MICU2: variants seen among roughly 807,000 people sequenced by gnomAD.
The protein encoded by MICU2 is calcium uptake protein 2, mitochondrial.
Under a neutral mutation model 60.4 loss-of-function variants are expected in MICU2, and 64 were observed. That is an observed-to-expected ratio of 1.06 (90% CI 0.87 to 1.31). The LOEUF (loss-of-function observed/expected upper bound fraction) is 1.31. Among genes scored for constraint, MICU2 ranks in the 50% most tolerant of loss-of-function variants. The pLI is 0.00. For synonymous variants in MICU2, 201 were observed against 175.0 expected (o/e 1.15, Z -1.17); for missense variants, 569 against 531.0 (o/e 1.07, Z -0.70).
intron 2 of MICU2, 149 bp from the exon 3 acceptor site, chr13:21,539,837 G>A: frequency 1.5e-6 from 1 of 687,044 alleles, no homozygotes; most frequent in African/African-American, 1.8e-5. Flanking sequence ...ATATCCTTAA[G>A]CCATAATCAT....
intron 1 of MICU2, among the ~76,000 whole-genome samples, chr13:21,581,800 A>C (rs1237148048): frequency 6.6e-6 from 1 of 152,178 alleles, no homozygotes; most frequent in Non-Finnish European, 1.5e-5. Context: ...AAAATCTATT[A>C]ATTCCAGGTC....
At position 21,509,940 on chromosome 13, in the gene MICU2, T is replaced by C. The variant is rs186753987; in HGVS notation, c.761+64A>G. ...TCTGCAGTTCTAGAAAATGAATATA[T>C]TCTGTTTCTCTTTATTTCTTACCCA... is the stretch of plus-strand genomic sequence containing the variant. On this transcript the variant is annotated intron_variant, in intron 8 of 11. Transcript: ENST00000382374. 114 of 908,646 alleles carry C rather than the reference T, an allele frequency of 1.3e-4. No homozygotes were observed. The Admixed American group carries it at 3.2e-3, about 25-fold the overall frequency. The allele number at this position is 908,646 out of a possible 1,614,324, so 56.3% of individuals were successfully genotyped here.
Position 21,521,240 on chromosome 13 carries a change from C to T in MICU2, c.597+5G>A, listed in dbSNP as rs915143884. Reference sequence around the variant, plus strand: ...ATAAACCTAAAATAATTAGCGTCCACTTACCTTAAAAAATTCCCTTTTTTC... The same window carrying T: ...ATAAACCTAAAATAATTAGCGTCCATTTACCTTAAAAAATTCCCTTTTTTC... On this transcript the variant is annotated splice_donor_5th_base_variant and intron_variant, in intron 6 of 11. Transcript: ENST00000382374. The T allele has an allele frequency of 6.9e-6, 11 of 1,592,522 alleles. No individual in the cohort carries two copies. Among genetic ancestry groups the T allele is most frequent in the African/African-American group, 1.4e-5 (1 of 73,862 alleles).
chr13:21,600,064 A>C (rs985695287), intron 1 of MICU2, among the ~76,000 whole-genome samples: 1 of 152,224 alleles, frequency 6.6e-6, no homozygotes, highest in Non-Finnish European at 1.5e-5. Flanking sequence ...ACAAAAATGT[A>C]ATCTTTTTTC....
At chr13:21,548,306 C>T (rs1887462644) in intron 2 of MICU2, among the ~76,000 whole-genome samples, 1 of 152,126 alleles carries the variant, frequency 6.6e-6, no homozygotes. Context: ...ATTTTCTGCT[C>T]TATACTTTGT....
intron 5 of MICU2, 29 bp from the exon 6 acceptor site, chr13:21,521,356 A>G (rs764094811): frequency 6.3e-7 from 1 of 1,577,206 alleles, no homozygotes; most frequent in Non-Finnish European, 8.6e-7. Context: ...TGAATATTTA[A>G]ATGTTGATGA....
chr13:21,583,244 A>G (rs990011225), intron 1 of MICU2, among the ~76,000 whole-genome samples: 14 of 152,204 alleles, frequency 9.2e-5, no homozygotes, highest in Admixed American at 6.5e-5. Context: ...GACCTTGTCT[A>G]TATAAGTAGA....
At chr13:21,579,665 A>G (rs1221359604) in intron 1 of MICU2, among the ~76,000 whole-genome samples, 1 of 152,202 alleles carries the variant, frequency 6.6e-6, no homozygotes, top group African/African-American at 2.4e-5. Context: ...TATATCAGTT[A>G]TGAACACATA....
chr13:21,562,532 A>G (rs1192414423), intron 2 of MICU2, among the ~76,000 whole-genome samples: 1 of 152,098 alleles, frequency 6.6e-6, no homozygotes, highest in African/African-American at 2.4e-5. Flanking sequence ...TAGAATGTCA[A>G]TTCTATTTAT....
intron 1 of MICU2, among the ~76,000 whole-genome samples, chr13:21,587,103 C>T (rs773322839): frequency 1.3e-5 from 2 of 152,134 alleles, no homozygotes; most frequent in Admixed American, 6.5e-5. Flanking sequence ...TTCCTTCCTC[C>T]CCTTTGCCAG....
chr13:21,503,195 G>A, intron 8 of MICU2, 98 bp from the exon 9 acceptor site: 1 of 816,362 alleles, frequency 1.2e-6, no homozygotes, highest in East Asian at 2.6e-5. Flanking sequence ...TACCTACTGA[G>A]TGGCTGCCTC....
intron 2 of MICU2, among the ~76,000 whole-genome samples, chr13:21,560,209 T>C (rs1163981896): frequency 6.6e-6 from 1 of 152,240 alleles, no homozygotes; most frequent in Non-Finnish European, 1.5e-5. Flanking sequence ...ATCTTTTATG[T>C]TAGTGCTTTT....
intron 1 of MICU2, among the ~76,000 whole-genome samples, chr13:21,588,544 G>A (rs1208951235): frequency 6.6e-6 from 1 of 152,184 alleles, no homozygotes; most frequent in African/African-American, 2.4e-5. Flanking sequence ...ATGACAGGGA[G>A]GAAATTTAGC....
chr13:21,520,004 T>C lies in MICU2; in HGVS notation c.597+1241A>G, dbSNP rs140127172. Among the ~76,000 whole-genome samples the C allele has an allele frequency of 1.8e-3, 273 of 152,338 alleles. 1 individual carries two copies. The highest frequency in any genetic ancestry group is 6.2e-3 in the African/African-American group (259 of 41,578). On this transcript the variant is annotated intron_variant, in intron 6 of 11. Transcript: ENST00000382374. ...CTCCAGAAAGTTCTCTCATTTTTCT[T>C]TGCAGTCAATTCCTGACTCTCTCCT...
intron 1 of MICU2, among the ~76,000 whole-genome samples, chr13:21,590,724 A>G (rs1472408328): frequency 6.6e-6 from 1 of 152,164 alleles, no homozygotes; most frequent in African/African-American, 2.4e-5. Context: ...GTGTGGTGGC[A>G]TTTGTCCGTA....
In MICU2 at chr13:21,563,813, A is replaced by ATT. The variant is rs35279335; in HGVS notation, c.358+2982_358+2983dup. Among the ~76,000 whole-genome samples the ATT allele has an allele frequency of 2.6e-3, 373 of 143,520 alleles. 3 individuals are homozygous for ATT. Among genetic ancestry groups the ATT allele is most frequent in the African/African-American group, 4.8e-3 (187 of 38,598 alleles). 94.2% of individuals were successfully genotyped at this position (143,520 alleles called of 152,430 possible). A position where few individuals can be genotyped will look rare whatever the true frequency, so the allele number is the denominator to read the frequency against. On this transcript the variant is annotated intron_variant, in intron 2 of 11. Coordinates refer to ENST00000382374, the MANE Select transcript of MICU2 (RefSeq NM_152726.3). ...TTACACTGATGGGCCCAACAAACAC[A>ATT]TTTTTTTTTTTTTTGAGTCAGGGTC...
chr13:21,545,012 C>A (rs1315329419), intron 2 of MICU2, among the ~76,000 whole-genome samples: 1 of 152,002 alleles, frequency 6.6e-6, no homozygotes, highest in African/African-American at 2.4e-5. Context: ...CTACTATGGA[C>A]AACAGTATGA....
intron 2 of MICU2, among the ~76,000 whole-genome samples, chr13:21,555,398 A>T (rs1392877466): frequency 6.6e-6 from 1 of 152,198 alleles, no homozygotes; most frequent in Non-Finnish European, 1.5e-5. Context: ...TCCAGCATAT[A>T]AACAGAACCA....
intron 6 of MICU2, among the ~76,000 whole-genome samples, chr13:21,518,996 C>T (rs992165928): frequency 6.6e-6 from 1 of 152,210 alleles, no homozygotes; most frequent in Non-Finnish European, 1.5e-5. Context: ...AACTGACCTA[C>T]ACAATTTCAG....
Sources: allele counts gnomAD v4.1 joint callset (sites outside exome capture counted in the v4.1 genomes callset), GRCh38; gene constraint gnomAD v4.1.1; transcripts MANE v1.5; gene names NCBI Gene and HGNC (gene_info 2026-07-23, HGNC 2026-07-21).